The following ELOA variants were observed in gnomAD, a reference collection of about 807,000 sequenced individuals.
ELOA encodes elongin A.
A neutral mutation model predicts 85.2 loss-of-function variants in ELOA; 15 were observed. The ratio of observed to expected loss-of-function variants is 0.18; its 90% CI spans 0.12 to 0.27. The LOEUF is 0.27. Among genes scored for constraint, ELOA ranks in the 10% least tolerant of loss-of-function variants. ELOA has a pLI of 1.00. For synonymous variants in ELOA, 348 were observed against 357.2 expected, an observed-to-expected ratio of 0.97 and a Z score of 0.29; for missense variants, 769 against 952.7, an observed-to-expected ratio of 0.81 and a Z score of 2.54.
Position 23,757,092 on chromosome 1 carries a change from G to C in ELOA, c.2224G>C (p.Val742Leu), listed in dbSNP as rs1413684005. Residue 742 changes from valine (V) to leucine (L), a missense_variant, in exon 10 of 11, where the codon GTT (valine) becomes CTT (leucine). Physicochemically the swap from Val to Leu is conservative, Grantham distance 32. Transcript: ENST00000613537. ...CTTGGCACCAGTGGTCAGCAGCACT[G>C]TTTCCTATGATCCTAGGAAACCCAC... ...AHLAPVVSST[V>L]SYDPRKPTVK... The C allele has an allele frequency of 1.3e-6, 2 of 1,590,664 alleles. No homozygotes were observed. Among genetic ancestry groups the C allele is most frequent in the East Asian group, 2.3e-5 (1 of 44,096 alleles).
Position 23,756,377 on chromosome 1 carries a change from G to A in ELOA, c.2076G>A (p.Glu692=). Residue 692 remains glutamate, a synonymous_variant, in exon 9 of 11, where the codon GAG becomes GAA. Coordinates refer to ENST00000613537, the MANE Select transcript of ELOA (RefSeq NM_003198.3). The part of the protein sequence containing the change: ...KFGTGGAAVP[E]KIKIKPAPYP... Reference sequence around the variant, plus strand: ...GAACGGGAGGAGCAGCTGTCCCTGAGAAAATCAAGTAAGATCTGTGTTCTT... The same window carrying A: ...GAACGGGAGGAGCAGCTGTCCCTGAAAAAATCAAGTAAGATCTGTGTTCTT... The A allele has an allele frequency of 1.9e-6, 3 of 1,572,138 alleles. No individual in the cohort carries two copies. The highest frequency in any genetic ancestry group is 2.6e-6 in the Non-Finnish European group (3 of 1,158,056).
At chr1:23,746,283 C>T (rs1476262033) in intron 1 of ELOA, among the ~76,000 whole-genome samples, 5 of 135,000 alleles carry the variant, frequency 3.7e-5, no homozygotes, top group African/African-American at 1.4e-4. Context: ...AGCGAAACTC[C>T]GTCTCAAAAA....
rs769889906 is a variant in ELOA at position 23,749,966 on chromosome 1, T to C, written c.239+18T>C. The C allele has an allele frequency of 1.3e-6, 2 of 1,589,370 alleles. No individual in the cohort carries two copies. Among genetic ancestry groups the C allele is most frequent in the Non-Finnish European group, 1.7e-6 (2 of 1,163,488 alleles). On this transcript the variant is annotated intron_variant, in intron 3 of 10. Transcript: ENST00000613537. The stretch of plus-strand genomic sequence containing the variant: ...GTGGAACGGTAAGAACATTTCTCTT[T>C]AGGTTTGTTCAATTTCATGGTTAAA...
rs1484619583 is a variant in ELOA at position 23,760,531 on chromosome 1, C to T, written c.*958C>T. 1.3e-5 allele frequency: 2 copies of T among 152,142 alleles called. No individual in the cohort carries two copies. Among genetic ancestry groups the T allele is most frequent in the African/African-American group, 4.8e-5 (2 of 41,432 alleles). The allele number at this position is 152,142 out of a possible 1,614,324, so 9.4% of individuals were successfully genotyped here. A position where few individuals can be genotyped will look rare whatever the true frequency, so the allele number is the denominator to read the frequency against. On this transcript the variant is annotated 3_prime_UTR_variant, in exon 11 of 11. Transcript: ENST00000613537. ...GAAGGCAACTTTAGACATTTAAAAT[C>T]CAGCACTTTAATCTCTTGTTCTCTG...
In ELOA at chr1:23,760,753, T is replaced by G. The variant is rs1486260547; in HGVS notation, c.*1180T>G. Reference sequence around the variant, plus strand: ...GCAGGATTTGGAGGGAAGGACCAGCTTAGGGAGAGTGTCTGAGCCACAGCG... The same window carrying G: ...GCAGGATTTGGAGGGAAGGACCAGCGTAGGGAGAGTGTCTGAGCCACAGCG... On this transcript the variant is annotated 3_prime_UTR_variant, in exon 11 of 11. Transcript: ENST00000613537. 6.6e-6 allele frequency: 1 copy of G among 152,136 alleles called. No homozygotes were observed. Among genetic ancestry groups the G allele is most frequent in the Non-Finnish European group, 1.5e-5 (1 of 68,056 alleles). 9.4% of individuals were successfully genotyped at this position (152,136 alleles called of 1,614,324 possible).
intron 10 of ELOA, among the ~76,000 whole-genome samples, chr1:23,757,616 A>G (rs1426971453): frequency 6.6e-6 from 1 of 152,014 alleles, no homozygotes; most frequent in Non-Finnish European, 1.5e-5. Context: ...CTCCTGCCTC[A>G]GCCTCCCAAG....
intron 10 of ELOA, among the ~76,000 whole-genome samples, chr1:23,757,916 C>T (rs1305945186): frequency 6.6e-6 from 1 of 151,906 alleles, no homozygotes; most frequent in Non-Finnish European, 1.5e-5. Flanking sequence ...TGGCATGTGC[C>T]TATAATCTCA....
At position 23,743,581 on chromosome 1, in the gene ELOA, A is replaced by G. The variant is rs1194258251; in HGVS notation, c.75+3A>G. Reference sequence around the variant, plus strand: ...CCGCGAACCCGGACCCTAAGAAGGTAAGCGAGGGGGCGGCGCGTAGCGGGA... The same window carrying G: ...CCGCGAACCCGGACCCTAAGAAGGTGAGCGAGGGGGCGGCGCGTAGCGGGA... On this transcript the variant is annotated splice_donor_region_variant and intron_variant, in intron 1 of 10. Coordinates refer to ENST00000613537, the MANE Select transcript of ELOA (RefSeq NM_003198.3). 2 of 1,484,164 alleles carry G rather than the reference A, an allele frequency of 1.3e-6. No homozygotes were observed. Among genetic ancestry groups the G allele is most frequent in the Non-Finnish European group, 1.8e-6 (2 of 1,121,296 alleles). The allele number at this position is 1,484,164 out of a possible 1,614,324, so 91.9% of individuals were successfully genotyped here.
chr1:23,748,908 T>C (rs1215068278), intron 1 of ELOA, 113 bp from the exon 2 acceptor site: 2 of 748,600 alleles, frequency 2.7e-6, no homozygotes, highest in Admixed American at 4.9e-5. Flanking sequence ...CTACTGTAAA[T>C]AGGCATAATA....
chr1:23,751,595 C>T lies in ELOA; in HGVS notation c.990C>T (p.His330=). 1 of 1,614,182 alleles carries T rather than the reference C, an allele frequency of 6.2e-7. No homozygotes were observed. Among genetic ancestry groups the T allele is most frequent in the Non-Finnish European group, 8.5e-7 (1 of 1,180,044 alleles). The part of the protein sequence containing the change: ...ASDNHLKKPK[H]RDPEKAKLDK... ...ACAACCACCTGAAAAAGCCAAAGCACAGAGACCCAGAGAAAGCCAAATTGG... is the reference window on the plus strand; with the variant it reads ...ACAACCACCTGAAAAAGCCAAAGCATAGAGACCCAGAGAAAGCCAAATTGG... Residue 330 remains histidine, a synonymous_variant, in exon 4 of 11, where the codon CAC becomes CAT. Transcript: ENST00000613537.
intron 7 of ELOA, 48 bp from the exon 8 acceptor site, chr1:23,755,795 A>T: frequency 1.6e-6 from 2 of 1,263,502 alleles, no homozygotes; most frequent in Non-Finnish European, 1.1e-6. Context: ...AAAAAAAAAA[A>T]TATGGAAAAG....
chr1:23,754,055 T>C (rs769733631), intron 5 of ELOA, 45 bp from the exon 6 acceptor site: 117 of 1,603,294 alleles, frequency 7.3e-5, no homozygotes, highest in Non-Finnish European at 6.8e-6. Context: ...AAGGAGAGTT[T>C]TCACTGGATC....
At chr1:23,746,076 A>T (rs537627544) in intron 1 of ELOA, among the ~76,000 whole-genome samples, 1 of 151,678 alleles carries the variant, frequency 6.6e-6, no homozygotes, top group African/African-American at 2.4e-5. Flanking sequence ...ATCACCTGAG[A>T]TCAGGAGTTC....
At chr1:23,756,245 G>A in intron 8 of ELOA, 29 bp from the exon 9 acceptor site, 4 of 1,528,818 alleles carry the variant, frequency 2.6e-6, no homozygotes, top group Non-Finnish European at 3.5e-6. Flanking sequence ...TGCTCAAGAA[G>A]GCAGATGTTC....
chr1:23,757,741 T>C (rs930336941), intron 10 of ELOA, among the ~76,000 whole-genome samples: 1 of 151,020 alleles, frequency 6.6e-6, no homozygotes, highest in Non-Finnish European at 1.5e-5. Context: ...CCTCGCGATC[T>C]GCCCGCCTTG....
chr1:23,758,255 ATTTATTTTTTTTTTTT>A (rs1363708661), intron 10 of ELOA, among the ~76,000 whole-genome samples: 8 of 36,220 alleles, frequency 2.2e-4, no homozygotes, highest in African/African-American at 1.0e-3. Flanking sequence ...CAATTTATTT[ATTTATTTTTTTTTTTT>A]TTTTTTTTTT....
intron 2 of ELOA, among the ~76,000 whole-genome samples, 161 bp downstream of exon 2, chr1:23,749,238 T>C (rs1414323491): frequency 6.6e-6 from 1 of 152,166 alleles, no homozygotes; most frequent in African/African-American, 2.4e-5. Context: ...ATGTCCAGAA[T>C]AGGCAAATCC....
chr1:23,757,794 G>A (rs867944274), intron 10 of ELOA, among the ~76,000 whole-genome samples: 9 of 150,796 alleles, frequency 6.0e-5, no homozygotes, highest in Non-Finnish European at 1.0e-4. Context: ...CACTGTGCCC[G>A]GCCGACCCTG....
At chr1:23,757,346 C>T (rs1557456128) in intron 10 of ELOA, among the ~76,000 whole-genome samples, 1 of 152,130 alleles carries the variant, frequency 6.6e-6, no homozygotes, top group Non-Finnish European at 1.5e-5. Context: ...TGGCTCATGC[C>T]TGTAATCCCA....
Sources: allele counts gnomAD v4.1 joint callset (sites outside exome capture counted in the v4.1 genomes callset), GRCh38; gene constraint gnomAD v4.1.1; transcripts MANE v1.5; gene names NCBI Gene and HGNC (gene_info 2026-07-23, HGNC 2026-07-21).